Variants in TNFRSF10D observed in about 807,000 individuals in gnomAD.
TNFRSF10D encodes the protein tumor necrosis factor receptor superfamily member 10D.
A neutral mutation model predicts 42.1 loss-of-function variants in TNFRSF10D; 28 were observed. That is an observed-to-expected ratio of 0.66 (90% CI 0.49 to 0.91). The LOEUF (loss-of-function observed/expected upper bound fraction) is 0.91, where lower values mean the gene tolerates loss of function less well. TNFRSF10D is among the 40% of genes least tolerant of loss of function. The pLI, the probability that TNFRSF10D is intolerant of heterozygous loss-of-function variation, is 0.00. For missense variants in TNFRSF10D, 503 were observed against 486.1 expected, an observed-to-expected ratio of 1.03 and a Z score of -0.33; for synonymous variants, 186 against 189.4, an observed-to-expected ratio of 0.98 and a Z score of 0.15.
chr8:23,158,142 C>T (rs1800306467), intron 1 of TNFRSF10D, among the ~76,000 whole-genome samples: 1 of 150,406 alleles, frequency 6.6e-6, no homozygotes, highest in African/African-American at 2.4e-5. Context: ...TCTTTCCGTT[C>T]CTTCCTTTCC....
chr8:23,162,453 G>A (rs1217043267), intron 1 of TNFRSF10D, among the ~76,000 whole-genome samples: 1 of 152,286 alleles, frequency 6.6e-6, no homozygotes, highest in East Asian at 1.9e-4. Flanking sequence ...GTATTACTTC[G>A]TTGAAAGAAA....
chr8:23,143,853 C>T (rs149828760), intron 7 of TNFRSF10D, among the ~76,000 whole-genome samples: 909 of 152,022 alleles, frequency 6.0e-3, no homozygotes, highest in African/African-American at 0.019. Flanking sequence ...TTATTTTATC[C>T]TGAAGGAAAG....
chr8:23,149,628 C>T (rs1183075075), intron 2 of TNFRSF10D, among the ~76,000 whole-genome samples: 2 of 151,906 alleles, frequency 1.3e-5, no homozygotes, highest in Non-Finnish European at 2.9e-5. Flanking sequence ...TGCTGGTCCA[C>T]CTGACCTGTT....
Position 23,153,894 on chromosome 8 carries a change from C to T in TNFRSF10D, c.256+980G>A, listed in dbSNP as rs189877474. 4.2e-4 allele frequency among the ~76,000 whole-genome samples: 64 copies of T among 152,304 alleles called. No individual in the cohort carries two copies. In the East Asian group the frequency reaches 0.01, roughly 25 times the overall value. On this transcript the variant is annotated intron_variant, in intron 2 of 8. Transcript: ENST00000312584. ...TGTATACATCCAAAGGAAATGACAT[C>T]AGTATGTTAAAGAGGTATCTTCCCT...
In TNFRSF10D at chr8:23,137,734, A is replaced by G; in HGVS notation, c.*136T>C. 10 of 1,203,434 alleles carry G rather than the reference A, an allele frequency of 8.3e-6. No homozygotes were observed. Among genetic ancestry groups the G allele is most frequent in the Non-Finnish European group, 1.2e-5 (10 of 866,944 alleles). 74.5% of individuals were successfully genotyped at this position (1,203,434 alleles called of 1,614,324 possible). ...AGTGCGTTAACAAAGTTCTAGGACCATTGGTAAGCTGCCCCATATTGGATA... is the reference window on the plus strand; with the variant it reads ...AGTGCGTTAACAAAGTTCTAGGACCGTTGGTAAGCTGCCCCATATTGGATA... On this transcript the variant is annotated 3_prime_UTR_variant, in exon 9 of 9. Transcript: ENST00000312584.
At position 23,137,805 on chromosome 8, in the gene TNFRSF10D, A is replaced by G; in HGVS notation, c.*65T>C. On this transcript the variant is annotated 3_prime_UTR_variant, in exon 9 of 9. Transcript: ENST00000312584. ...GGTCAAGTACTGGACTGTTTCTTCCAGGCTGCTTCCCTTTGTAGGAGAAAA... is the reference window on the plus strand; with the variant it reads ...GGTCAAGTACTGGACTGTTTCTTCCGGGCTGCTTCCCTTTGTAGGAGAAAA... The G allele has an allele frequency of 6.4e-7, 1 of 1,564,092 alleles. No individual in the cohort carries two copies. Among genetic ancestry groups the G allele is most frequent in the Admixed American group, 1.9e-5 (1 of 52,726 alleles).
At chr8:23,152,666 GAC>G (rs1160302254) in intron 2 of TNFRSF10D, among the ~76,000 whole-genome samples, 1 of 152,236 alleles carries the variant, frequency 6.6e-6, no homozygotes, top group Admixed American at 6.5e-5. Context: ...ATAAATTTGT[GAC>G]AGAGGTGGAA....
chr8:23,139,641 C>T (rs994322267), intron 7 of TNFRSF10D, among the ~76,000 whole-genome samples: 2 of 152,154 alleles, frequency 1.3e-5, no homozygotes, highest in South Asian at 2.1e-4. Context: ...TGCTCACGCT[C>T]ACCACTCCCA....
intron 1 of TNFRSF10D, among the ~76,000 whole-genome samples, chr8:23,156,015 T>G (rs1187214750): frequency 1.3e-5 from 2 of 152,140 alleles, no homozygotes; most frequent in Non-Finnish European, 2.9e-5. Context: ...AAACAGCAAT[T>G]CAGGGATTAT....
chr8:23,141,055 T>C (rs192960780), intron 7 of TNFRSF10D, among the ~76,000 whole-genome samples: 934 of 152,184 alleles, frequency 6.1e-3, no homozygotes, highest in African/African-American at 0.019. Context: ...GGTAAGACCA[T>C]GAACTATAAG....
intron 3 of TNFRSF10D, among the ~76,000 whole-genome samples, chr8:23,148,158 A>G (rs577147570): frequency 0.063 from 9,551 of 151,408 alleles, 1,007 homozygotes; most frequent in African/African-American, 0.22. Context: ...AAGAATCACT[A>G]AACCTGGGAG....
intron 2 of TNFRSF10D, among the ~76,000 whole-genome samples, chr8:23,150,192 CT>C (rs1356113232): frequency 6.1e-3 from 925 of 152,210 alleles, no homozygotes; most frequent in African/African-American, 0.019. Flanking sequence ...TCCCCATGAA[CT>C]CAGGCTCCAG....
chr8:23,136,412 C>A lies in TNFRSF10D; in HGVS notation c.*1458G>T. 5.4e-6 allele frequency: 1 copy of A among 183,908 alleles called. No homozygotes were observed. The highest frequency in any genetic ancestry group is 1.1e-5 in the Non-Finnish European group (1 of 88,242). The allele number at this position is 183,908 out of a possible 1,614,324, so 11.4% of individuals were successfully genotyped here. Reference sequence around the variant, plus strand: ...AGGAATCTCTGCCCTAAAAGGCATCCCAGGGACTCAGTTCACAGACCACCA... The same window carrying A: ...AGGAATCTCTGCCCTAAAAGGCATCACAGGGACTCAGTTCACAGACCACCA... On this transcript the variant is annotated 3_prime_UTR_variant, in exon 9 of 9. Coordinates refer to ENST00000312584, the MANE Select transcript of TNFRSF10D (RefSeq NM_003840.5).
intron 1 of TNFRSF10D, among the ~76,000 whole-genome samples, chr8:23,163,158 G>C (rs1275372136): frequency 6.9e-6 from 1 of 145,422 alleles, no homozygotes; most frequent in Non-Finnish European, 1.5e-5. Flanking sequence ...GGAGTGCGAT[G>C]GCGCGATCTC....
intron 7 of TNFRSF10D, 100 bp downstream of exon 7, chr8:23,144,349 TC>T: frequency 7.3e-7 from 1 of 1,368,870 alleles, no homozygotes; most frequent in Non-Finnish European, 9.9e-7. Context: ...AGGCTCCATG[TC>T]CCCTTGGGCC....
At chr8:23,142,809 T>C (rs1800049144) in intron 7 of TNFRSF10D, among the ~76,000 whole-genome samples, 1 of 152,246 alleles carries the variant, frequency 6.6e-6, no homozygotes, top group African/African-American at 2.4e-5. Context: ...CCCTGTAATG[T>C]AAACAAAATG....
rs372183145 is a variant in TNFRSF10D at position 23,142,826 on chromosome 8, C to T, written c.954+1624G>A. 9.1e-4 allele frequency among the ~76,000 whole-genome samples: 139 copies of T among 152,264 alleles called. No homozygotes were observed. The South Asian group carries it at 0.015, about 16-fold the overall frequency. ...CTGTAATGTAAACAAAATGTACATACGCTTGTATGAATATACATGGCATAT... is the reference window on the plus strand; with the variant it reads ...CTGTAATGTAAACAAAATGTACATATGCTTGTATGAATATACATGGCATAT... On this transcript the variant is annotated intron_variant, in intron 7 of 8. Transcript: ENST00000312584.
chr8:23,146,886 G>C (rs947620168), intron 4 of TNFRSF10D, 75 bp downstream of exon 4: 11 of 1,259,278 alleles, frequency 8.7e-6, no homozygotes, highest in African/African-American at 3.0e-5. Context: ...GGTCAGCGGA[G>C]AGATAGAGGT....
chr8:23,156,198 T>A (rs1385992023), intron 1 of TNFRSF10D, among the ~76,000 whole-genome samples: 1 of 152,218 alleles, frequency 6.6e-6, no homozygotes, highest in Non-Finnish European at 1.5e-5. Flanking sequence ...TTTCAAATTT[T>A]TTTTGCATAG....
Sources: allele counts gnomAD v4.1 joint callset (sites outside exome capture counted in the v4.1 genomes callset), GRCh38; gene constraint gnomAD v4.1.1; transcripts MANE v1.5; gene names NCBI Gene and HGNC (gene_info 2026-07-23, HGNC 2026-07-21).